The following SPAG16 variants were observed in gnomAD, a reference collection of about 807,000 sequenced individuals.
SPAG16 encodes the protein sperm associated antigen 16, also known as sperm-associated antigen 16 protein.
Under a neutral mutation model 80.4 loss-of-function variants are expected in SPAG16, and 86 were observed. The ratio of observed to expected loss-of-function variants is 1.07; its 90% confidence interval spans 0.90 to 1.28. The LOEUF is 1.28. SPAG16 is among the 50% of genes most tolerant of loss of function. The pLI is 0.00. For missense variants in SPAG16, 870 were observed against 765.3 expected, an observed-to-expected ratio of 1.14 and a Z score of -1.61; for synonymous variants, 294 against 265.9, an observed-to-expected ratio of 1.11 and a Z score of -1.03.
In SPAG16 at chr2:214,115,208, G is replaced by A. The variant is rs1176806930; in HGVS notation, c.1593+6947G>A. On this transcript the variant is annotated intron_variant, in intron 14 of 15. Transcript: ENST00000331683. ...TCACATACCTGCTAAGCAATGTCAGGAGGTTGAGAAGCAGCTGTGACTGCA... is the reference window on the plus strand; with the variant it reads ...TCACATACCTGCTAAGCAATGTCAGAAGGTTGAGAAGCAGCTGTGACTGCA... Among the ~76,000 whole-genome samples, 4 of 152,308 alleles carry A rather than the reference G, an allele frequency of 2.6e-5. No individual in the cohort carries two copies. The East Asian group carries it at 7.7e-4, about 29-fold the overall frequency.
At chr2:213,906,028 C>T (rs768456099) in intron 11 of SPAG16, among the ~76,000 whole-genome samples, 4 of 152,106 alleles carry the variant, frequency 2.6e-5, no homozygotes, top group African/African-American at 2.4e-5. Context: ...TATCTTAGCA[C>T]CTACGCTAAA....
At chr2:213,299,396 A>G (rs1575116597) in intron 3 of SPAG16, among the ~76,000 whole-genome samples, 2 of 150,466 alleles carry the variant, frequency 1.3e-5, no homozygotes, top group Admixed American at 1.3e-4. Flanking sequence ...TCTGCTTCCC[A>G]AGTAGCTGGG....
chr2:214,013,838 T>C, intron 12 of SPAG16, 113 bp from the exon 13 acceptor site: 1 of 1,056,672 alleles, frequency 9.5e-7, no homozygotes, highest in Non-Finnish European at 1.3e-6. Context: ...TATTGTAAAA[T>C]TTTTGCCATT....
At chr2:213,561,055 G>A (rs1259421871) in intron 10 of SPAG16, among the ~76,000 whole-genome samples, 3 of 152,268 alleles carry the variant, frequency 2.0e-5, no homozygotes, top group Admixed American at 6.5e-5. Context: ...GTAGAGATGA[G>A]GTTTCAATAT....
At chr2:214,041,990 A>G (rs1033416677) in intron 13 of SPAG16, among the ~76,000 whole-genome samples, 1 of 126,448 alleles carries the variant, frequency 7.9e-6, no homozygotes, top group African/African-American at 3.0e-5. Context: ...ATATATATAT[A>G]TATATATATA....
At chr2:214,254,174 G>A (rs1212578995) in intron 15 of SPAG16, among the ~76,000 whole-genome samples, 1 of 152,096 alleles carries the variant, frequency 6.6e-6, no homozygotes, top group Non-Finnish European at 1.5e-5. Flanking sequence ...ATCAGCTTAA[G>A]TCGATTTTGG....
At chr2:213,849,355 C>T (rs954712136) in intron 10 of SPAG16, among the ~76,000 whole-genome samples, 2 of 152,134 alleles carry the variant, frequency 1.3e-5, no homozygotes, top group Non-Finnish European at 2.9e-5. Context: ...CCCCACCTCC[C>T]GACACCACCA....
intron 3 of SPAG16, among the ~76,000 whole-genome samples, chr2:213,299,966 A>G (rs1292842867): frequency 1.3e-5 from 2 of 152,184 alleles, no homozygotes; most frequent in African/African-American, 4.8e-5. Context: ...GTCTACTTAC[A>G]TTGAAGCTGG....
At chr2:213,788,224 A>G (rs1179686043) in intron 10 of SPAG16, among the ~76,000 whole-genome samples, 1 of 152,020 alleles carries the variant, frequency 6.6e-6, no homozygotes, top group Non-Finnish European at 1.5e-5. Context: ...AGAGTTAAAT[A>G]AATTATAATA....
At chr2:214,392,367 G>C (rs1701135588) in intron 15 of SPAG16, among the ~76,000 whole-genome samples, 1 of 151,890 alleles carries the variant, frequency 6.6e-6, no homozygotes, top group African/African-American at 2.4e-5. Flanking sequence ...TGTTGGCCAG[G>C]CTGGTCTCGA....
Position 214,343,657 on chromosome 2 carries a change from C to T in SPAG16, c.1721-66483C>T, listed in dbSNP as rs73087075. 1.0e-2 allele frequency among the ~76,000 whole-genome samples: 1,517 copies of T among 152,164 alleles called. 20 individuals carry two copies. Among genetic ancestry groups the T allele is most frequent in the African/African-American group, 0.035 (1,443 of 41,538 alleles). On this transcript the variant is annotated intron_variant, in intron 15 of 15. Coordinates refer to ENST00000331683, the MANE Select transcript of SPAG16 (RefSeq NM_024532.5). ...TTAAGCCAACTAAGACAAACTTAGA[C>T]ACAATGGGGAAATAGATTTAAAAAT...
At chr2:213,523,574 A>C (rs2075770455) in intron 10 of SPAG16, among the ~76,000 whole-genome samples, 1 of 152,158 alleles carries the variant, frequency 6.6e-6, no homozygotes, top group African/African-American at 2.4e-5. Flanking sequence ...AACTTCTTAG[A>C]GACTTGGAGG....
intron 15 of SPAG16, among the ~76,000 whole-genome samples, chr2:214,251,723 G>A (rs562938109): frequency 1.3e-5 from 2 of 152,240 alleles, no homozygotes; most frequent in East Asian, 3.9e-4. Context: ...TAAAGTGCTT[G>A]CTTGCTTTGA....
In SPAG16 at chr2:213,364,120, T is replaced by C; in HGVS notation, c.807T>C (p.His269=). 6.6e-7 allele frequency: 1 copy of C among 1,526,604 alleles called. No homozygotes were observed. Among genetic ancestry groups the C allele is most frequent in the Non-Finnish European group, 8.8e-7 (1 of 1,140,240 alleles). The allele number at this position is 1,526,604 out of a possible 1,614,324, so 94.6% of individuals were successfully genotyped here. The change falls in exon 8 of 16, where the codon CAT becomes CAC. Residue 269 remains histidine, a synonymous_variant. Coordinates refer to ENST00000331683, the MANE Select transcript of SPAG16 (RefSeq NM_024532.5). ...CATTGAAGAAACTGCAAAGAGGACA[T>C]AGTTACCATGGTCCTCAAATTAAAG... ...QETLKKLQRG[H]SYHGPQIKVD...
intron 1 of SPAG16, 85 bp downstream of exon 1, chr2:213,284,704 C>T (rs1219853848): frequency 3.4e-6 from 5 of 1,485,988 alleles, no homozygotes; most frequent in Non-Finnish European, 3.6e-6. Flanking sequence ...CTGGCGGCGC[C>T]TTTTGAGCCT....
chr2:213,892,619 T>C (rs934254116), intron 11 of SPAG16, among the ~76,000 whole-genome samples: 10 of 151,992 alleles, frequency 6.6e-5, no homozygotes, highest in Non-Finnish European at 8.8e-5. Flanking sequence ...ATTAAAATAA[T>C]TAAAAATCAC....
chr2:213,771,744 A>T (rs1050777615), intron 10 of SPAG16, among the ~76,000 whole-genome samples: 18 of 152,294 alleles, frequency 1.2e-4, no homozygotes, highest in African/African-American at 2.9e-4. Flanking sequence ...AGGTTTGTTG[A>T]AGATCAGATG....
rs2065166131 is a variant in SPAG16 at position 213,696,667 on chromosome 2, T to G, written c.1071-165818T>G. On this transcript the variant is annotated intron_variant, in intron 10 of 15. Transcript: ENST00000331683. ...TTGCCAGAGCTAAAAAAGAAAAAGA[T>G]GCAAATGACCAACTGTTTAGCTGAG... is the stretch of plus-strand genomic sequence containing the variant. Among the ~76,000 whole-genome samples, 5 of 152,134 alleles carry G rather than the reference T, an allele frequency of 3.3e-5. No homozygotes were observed. The South Asian group carries it at 1.0e-3, about 31-fold the overall frequency.
At chr2:213,361,450 G>C (rs891785662) in intron 7 of SPAG16, among the ~76,000 whole-genome samples, 15 of 150,914 alleles carry the variant, frequency 9.9e-5, no homozygotes, top group African/African-American at 3.4e-4. Flanking sequence ...TCTGCTTGGA[G>C]AGTCTAGAAG....
Sources: gnomAD v4.1 joint callset for allele counts (sites outside exome capture counted in the v4.1 genomes callset) on GRCh38, gnomAD v4.1.1 for gene constraint, MANE v1.5 for transcripts, NCBI Gene and HGNC (gene_info 2026-07-23, HGNC 2026-07-21) for gene names.